The following CFAP299 variants were observed in gnomAD, a reference collection of about 807,000 sequenced individuals.
The protein encoded by CFAP299 is cilia and flagella associated protein 299, also known as cilia- and flagella-associated protein 299.
In CFAP299, 21 loss-of-function variants were observed where a neutral mutation model predicts 27.0. The ratio of observed to expected loss-of-function variants is 0.78; its 90% CI spans 0.55 to 1.12. The LOEUF is 1.12. Among genes scored for constraint, CFAP299 ranks in the 50% most tolerant of loss-of-function variants. The pLI is 0.00. For missense variants in CFAP299, 310 were observed against 276.6 expected, an observed-to-expected ratio of 1.12 and a Z score of -0.86; for synonymous variants, 104 against 98.1, an observed-to-expected ratio of 1.06 and a Z score of -0.36.
chr4:80,843,398 A>G (rs976941368), intron 3 of CFAP299, among the ~76,000 whole-genome samples: 2 of 152,076 alleles, frequency 1.3e-5, no homozygotes, highest in African/African-American at 4.8e-5. Flanking sequence ...TGTCCCTACA[A>G]AGGACATGAA....
At chr4:80,393,706 T>C (rs2110039770) in intron 2 of CFAP299, among the ~76,000 whole-genome samples, 1 of 152,298 alleles carries the variant, frequency 6.6e-6, no homozygotes, top group East Asian at 1.9e-4. Flanking sequence ...TCTAGGTTTG[T>C]GTCAGTACAC....
At chr4:80,345,738 T>C (rs1024947265) in intron 1 of CFAP299, among the ~76,000 whole-genome samples, 4 of 152,206 alleles carry the variant, frequency 2.6e-5, no homozygotes, top group Non-Finnish European at 5.9e-5. Context: ...TAAACATATG[T>C]GTGCATGTGT....
At position 80,916,270 on chromosome 4, in the gene CFAP299, TA is replaced by T. The variant is rs1434426879; in HGVS notation, c.477-28539del. On this transcript the variant is annotated intron_variant, in intron 4 of 5. Transcript: ENST00000358105. Reference sequence around the variant, plus strand: ...AGACTGAAATATATATATATATATATATATATATATATATATATATATATAT... The same window carrying T: ...AGACTGAAATATATATATATATATATTATATATATATATATATATATATAT... 2.0e-3 allele frequency among the ~76,000 whole-genome samples: 193 copies of T among 96,606 alleles called. 4 individuals are homozygous for T. The highest frequency in any genetic ancestry group is 0.012 in the African/African-American group (188 of 15,590). 63.4% of individuals were successfully genotyped at this position (96,606 alleles called of 152,430 possible).
chr4:80,757,729 T>C (rs910873074), intron 3 of CFAP299, among the ~76,000 whole-genome samples: 7 of 151,036 alleles, frequency 4.6e-5, no homozygotes, highest in African/African-American at 1.5e-4. Flanking sequence ...GTTTGTTTGG[T>C]TTGGTTTTTT....
intron 3 of CFAP299, among the ~76,000 whole-genome samples, chr4:80,584,457 A>C (rs1736331460): frequency 6.6e-6 from 1 of 152,074 alleles, no homozygotes; most frequent in Non-Finnish European, 1.5e-5. Context: ...CTAGTTAAAA[A>C]TTAGAGAGGT....
At chr4:80,771,786 A>C (rs1455873210) in intron 3 of CFAP299, among the ~76,000 whole-genome samples, 1 of 152,164 alleles carries the variant, frequency 6.6e-6, no homozygotes, top group African/African-American at 2.4e-5. Context: ...AGGACAGAGA[A>C]GGCATGGTCA....
chr4:80,489,667 C>G (rs1731016121), intron 2 of CFAP299, among the ~76,000 whole-genome samples: 1 of 152,158 alleles, frequency 6.6e-6, no homozygotes, highest in Non-Finnish European at 1.5e-5. Flanking sequence ...TGATACCTAC[C>G]TAACAGTGAT....
At chr4:80,537,890 C>A (rs910924893) in intron 2 of CFAP299, among the ~76,000 whole-genome samples, 1 of 151,796 alleles carries the variant, frequency 6.6e-6, no homozygotes, top group Non-Finnish European at 1.5e-5. Flanking sequence ...AACCATTTCC[C>A]AAAATGTACA....
At chr4:80,878,144 A>C (rs1295558509) in intron 4 of CFAP299, among the ~76,000 whole-genome samples, 1 of 152,108 alleles carries the variant, frequency 6.6e-6, no homozygotes, top group Non-Finnish European at 1.5e-5. Context: ...ATGTATAAAA[A>C]TTACATTGCT....
At chr4:80,804,690 A>G (rs2110112406) in intron 3 of CFAP299, among the ~76,000 whole-genome samples, 1 of 152,156 alleles carries the variant, frequency 6.6e-6, no homozygotes, top group Non-Finnish European at 1.5e-5. Flanking sequence ...TTGTATAGCT[A>G]CCCTCCTCTC....
chr4:80,793,837 A>C (rs537843721), intron 3 of CFAP299, among the ~76,000 whole-genome samples: 1 of 152,300 alleles, frequency 6.6e-6, no homozygotes, highest in African/African-American at 2.4e-5. Flanking sequence ...TCATTTCTGC[A>C]ACTGGTCATG....
rs557501909 is a variant in CFAP299, at chr4:80,482,231, G to T, written c.243-100862G>T. Reference sequence around the variant, plus strand: ...CATTAAACTCTTTGCATTAAAATCAGTACTGGCTATAACTGCCTTTTCTCT... The same window carrying T: ...CATTAAACTCTTTGCATTAAAATCATTACTGGCTATAACTGCCTTTTCTCT... On this transcript the variant is annotated intron_variant, in intron 2 of 5. Coordinates refer to ENST00000358105, the MANE Select transcript of CFAP299 (RefSeq NM_152770.3). Among the ~76,000 whole-genome samples, 6 of 151,290 alleles carry T rather than the reference G, an allele frequency of 4.0e-5. No homozygotes were observed. In the South Asian group the frequency reaches 1.3e-3, roughly 32 times the overall value.
At position 80,847,623 on chromosome 4, in the gene CFAP299, T is replaced by G. The variant is rs187424822; in HGVS notation, c.334-22370T>G. 3.5e-3 allele frequency among the ~76,000 whole-genome samples: 530 copies of G among 152,342 alleles called. 3 individuals are homozygous for G. The highest frequency in any genetic ancestry group is 4.0e-3 in the Non-Finnish European group (275 of 68,032). On this transcript the variant is annotated intron_variant, in intron 3 of 5. Transcript: ENST00000358105. Reference sequence around the variant, plus strand: ...ACTAACTACGTGACCCTAGGCCAGGTACTTAACCTTCTCATGCTTCAGTTT... The same window carrying G: ...ACTAACTACGTGACCCTAGGCCAGGGACTTAACCTTCTCATGCTTCAGTTT...
intron 2 of CFAP299, among the ~76,000 whole-genome samples, chr4:80,368,246 A>G (rs1723944028): frequency 6.6e-6 from 1 of 152,136 alleles, no homozygotes; most frequent in Non-Finnish European, 1.5e-5. Flanking sequence ...ACTTGATAGG[A>G]GTCTCAGATG....
chr4:80,387,053 G>C lies in CFAP299; in HGVS notation c.242+24169G>C, dbSNP rs377438545. 1.6e-3 allele frequency: 2,226 copies of C among 1,410,150 alleles called. 39 individuals are homozygous for C. The South Asian group carries it at 0.025, about 16-fold the overall frequency. 87.4% of individuals were successfully genotyped at this position (1,410,150 alleles called of 1,614,324 possible). ...GTTCACAAGGAAACACCTTCTAGCAGTGTGGGCAGGGGAAGTTGTGAGTGG... is the reference window on the plus strand; with the variant it reads ...GTTCACAAGGAAACACCTTCTAGCACTGTGGGCAGGGGAAGTTGTGAGTGG... On this transcript the variant is annotated intron_variant, in intron 2 of 5. Coordinates refer to ENST00000358105, the MANE Select transcript of CFAP299 (RefSeq NM_152770.3).
chr4:80,693,953 A>C lies in CFAP299; in HGVS notation c.333+110770A>C, dbSNP rs531745144. Among the ~76,000 whole-genome samples the C allele has an allele frequency of 5.9e-5, 9 of 152,284 alleles. No homozygotes were observed. In the East Asian group the frequency reaches 1.5e-3, roughly 26 times the overall value. ...TTATTGCCCTTATGACTTTCATAAAAAGCCAAATGTAGTCACTGAGGAAAT... is the reference window on the plus strand; with the variant it reads ...TTATTGCCCTTATGACTTTCATAAACAGCCAAATGTAGTCACTGAGGAAAT... On this transcript the variant is annotated intron_variant, in intron 3 of 5. Coordinates refer to ENST00000358105, the MANE Select transcript of CFAP299 (RefSeq NM_152770.3).
At chr4:80,544,863 C>T (rs892690454) in intron 2 of CFAP299, among the ~76,000 whole-genome samples, 1 of 152,108 alleles carries the variant, frequency 6.6e-6, no homozygotes, top group South Asian at 2.1e-4. Flanking sequence ...ACCAACTGGA[C>T]CTCCTAAACA....
chr4:80,871,073 C>G (rs778662111), intron 4 of CFAP299: 2 of 465,076 alleles, frequency 4.3e-6, no homozygotes, highest in African/African-American at 2.1e-5. Context: ...CGTCTGGATA[C>G]TTTTTGTATT....
rs142524443 is a variant in CFAP299, at chr4:80,496,683, C to G, written c.243-86410C>G. Reference sequence around the variant, plus strand: ...GTGGTAATGCCCCATTTCTTGGAACCAATTTTCTGCATTAGGCCATTCTCA... The same window carrying G: ...GTGGTAATGCCCCATTTCTTGGAACGAATTTTCTGCATTAGGCCATTCTCA... On this transcript the variant is annotated intron_variant, in intron 2 of 5. Coordinates refer to ENST00000358105, the MANE Select transcript of CFAP299 (RefSeq NM_152770.3). Among the ~76,000 whole-genome samples the G allele has an allele frequency of 1.1e-3, 168 of 152,216 alleles. 1 individual carries two copies. Among genetic ancestry groups the G allele is most frequent in the African/African-American group, 3.9e-3 (161 of 41,528 alleles).
Sources: gnomAD v4.1 joint callset for allele counts (sites outside exome capture counted in the v4.1 genomes callset) on GRCh38, gnomAD v4.1.1 for gene constraint, MANE v1.5 for transcripts, NCBI Gene and HGNC (gene_info 2026-07-23, HGNC 2026-07-21) for gene names.